The following FSCN2 variants were observed in gnomAD, a reference collection of about 807,000 sequenced individuals.
FSCN2 encodes the protein fascin actin-bundling protein 2, retinal, also known as fascin-2.
In FSCN2, 46 loss-of-function variants were observed where a neutral mutation model predicts 37.8. That is an observed-to-expected ratio of 1.22 (90% CI 0.96 to 1.56). The LOEUF (loss-of-function observed/expected upper bound fraction) is 1.56, where lower values mean the gene tolerates loss of function less well. FSCN2 is among the 40% of genes most tolerant of loss of function. FSCN2 has a pLI of 0.00. For missense variants in FSCN2, 844 were observed against 730.4 expected, an observed-to-expected ratio of 1.16 and a Z score of -1.79; for synonymous variants, 351 against 309.4, an observed-to-expected ratio of 1.13 and a Z score of -1.41.
intron 1 of FSCN2, among the ~76,000 whole-genome samples, chr17:81,532,718 G>A (rs1318840452): frequency 6.6e-6 from 1 of 151,610 alleles, no homozygotes; most frequent in East Asian, 1.9e-4. Context: ...TGATGGTGGT[G>A]GTGATAGTGA....
chr17:81,529,378 G>T, intron 1 of FSCN2, 21 bp downstream of exon 1: 2 of 1,512,014 alleles, frequency 1.3e-6, no homozygotes, highest in East Asian at 2.3e-5. Context: ...CACAGGTGGC[G>T]ACCTCCTGAG....
chr17:81,520,690 A>G, the FSCN2 span, among the ~76,000 whole-genome samples: 7 of 152,352 alleles, frequency 4.6e-5, no homozygotes, highest in African/African-American at 1.2e-4. Flanking sequence ...CTGATGAGAA[A>G]TGAATGTCAC....
At position 81,536,707 on chromosome 17, in the gene FSCN2, CG is replaced by C. The variant is rs752025582; in HGVS notation, c.1193del (p.Gly398AlafsTer17). 1.2e-6 allele frequency: 2 copies of C among 1,611,260 alleles called. No individual in the cohort carries two copies. The highest frequency in any genetic ancestry group is 2.7e-5 in the African/African-American group (2 of 74,902). On this transcript the variant is annotated frameshift_variant, in exon 4 of 5. Transcript: ENST00000417245. LOFTEE classifies it high-confidence loss of function. ...TGGACGGCTTCGTCTGCCACCACCG[CG>C]GCTCCAACCAGCTGGACACCAACCG... is the stretch of plus-strand genomic sequence containing the variant. ...GLDGFVCHHRGSNQLDTNRSV... is the reference protein window; with the variant it reads ...GLDGFVCHHRXSNQLDTNRSV...
upstream of FSCN2, among the ~76,000 whole-genome samples, chr17:81,528,220 G>A (rs534047219): frequency 7.2e-5 from 11 of 152,312 alleles, no homozygotes; most frequent in South Asian, 1.4e-3. Context: ...TCAGGCCCTC[G>A]GGCTCTGGGC....
chr17:81,535,667 CCCCACCA>C (rs1489426318), intron 2 of FSCN2, among the ~76,000 whole-genome samples: 2 of 6,200 alleles, frequency 3.2e-4, no homozygotes, highest in Non-Finnish European at 3.1e-4. Context: ...CCATCTCCAT[CCCCACCA>C]TCCCCATCTC....
intron 1 of FSCN2, among the ~76,000 whole-genome samples, chr17:81,534,271 C>T (rs1287575599): frequency 6.7e-6 from 1 of 148,790 alleles, no homozygotes; most frequent in Non-Finnish European, 1.5e-5. Flanking sequence ...CCCTCAGGCC[C>T]TGTGGGGGCT....
Position 81,536,759 on chromosome 17 carries a change from A to G in FSCN2, c.1243A>G (p.Ser415Gly). The change falls in exon 4 of 5, where the codon AGC (serine) becomes GGC (glycine). Residue 415 changes from serine (S) to glycine (G), a missense_variant. Ser to Gly is a moderately conservative substitution (Grantham distance 56, BLOSUM62 0). Coordinates refer to ENST00000417245, the MANE Select transcript of FSCN2 (RefSeq NM_012418.4). ...NRSVYDVFHL[S>G]FSDGAYRIRG... The stretch of plus-strand genomic sequence containing the variant: ...CTCCGTCTACGACGTCTTCCACCTG[A>G]GCTTCAGCGACGGCGCCTACCGGAT... 6 of 1,607,102 alleles carry G rather than the reference A, an allele frequency of 3.7e-6. No homozygotes were observed. The highest frequency in any genetic ancestry group is 1.3e-5 in the African/African-American group (1 of 74,778).
chr17:81,524,823 C>T (rs548018509), upstream of FSCN2, among the ~76,000 whole-genome samples: 2 of 151,802 alleles, frequency 1.3e-5, no homozygotes, highest in African/African-American at 4.8e-5. Flanking sequence ...GATGACAGTC[C>T]CAGGGTCCAG....
upstream of FSCN2, chr17:81,528,328 C>T: frequency 3.4e-6 from 2 of 585,840 alleles, no homozygotes; most frequent in East Asian, 2.8e-5. Flanking sequence ...CGCCCGCCCT[C>T]TGCTGCCCGC....
At chr17:81,531,911 GAT>G (rs2032652041) in intron 1 of FSCN2, among the ~76,000 whole-genome samples, 1 of 151,410 alleles carries the variant, frequency 6.6e-6, no homozygotes, top group African/African-American at 2.4e-5. Context: ...TAGTGATGGT[GAT>G]GATGGTGATG....
the FSCN2 span, among the ~76,000 whole-genome samples, chr17:81,519,398 G>A: frequency 6.6e-6 from 1 of 152,208 alleles, no homozygotes; most frequent in East Asian, 1.9e-4. Context: ...GCACTGTCTG[G>A]CAGCGGGGAC....
chr17:81,532,314 ATGATGGTGATGATAG>A (rs1368013728), intron 1 of FSCN2, among the ~76,000 whole-genome samples: 3 of 118,916 alleles, frequency 2.5e-5, no homozygotes, highest in South Asian at 2.9e-4. Context: ...AGTGATGGCG[ATGATGGTGATGATAG>A]TGATGGTGAT....
upstream of FSCN2, among the ~76,000 whole-genome samples, chr17:81,524,557 G>A (rs1456710881): frequency 3.9e-5 from 6 of 152,234 alleles, no homozygotes; most frequent in Non-Finnish European, 8.8e-5. Flanking sequence ...TGGCAGGCAC[G>A]TGTGTATCCC....
chr17:81,523,977 C>G (rs1400014268), upstream of FSCN2: 1 of 152,298 alleles, frequency 6.6e-6, no homozygotes, highest in Non-Finnish European at 1.5e-5. Flanking sequence ...AGGCTGGGCT[C>G]AAGCATCCAG....
In FSCN2 at chr17:81,536,708, G is replaced by A. The variant is rs935348386; in HGVS notation, c.1192G>A (p.Gly398Ser). The change falls in exon 4 of 5, where the codon GGC (glycine) becomes AGC (serine). Residue 398 changes from glycine to serine, a missense_variant. Coordinates refer to ENST00000417245, the MANE Select transcript of FSCN2 (RefSeq NM_012418.4). Reference sequence around the variant, plus strand: ...GGACGGCTTCGTCTGCCACCACCGCGGCTCCAACCAGCTGGACACCAACCG... The same window carrying A: ...GGACGGCTTCGTCTGCCACCACCGCAGCTCCAACCAGCTGGACACCAACCG... ...GLDGFVCHHR[G>S]SNQLDTNRSV... 2 of 1,611,434 alleles carry A rather than the reference G, an allele frequency of 1.2e-6. No homozygotes were observed. The highest frequency in any genetic ancestry group is 2.2e-5 in the East Asian group (1 of 44,882).
At chr17:81,524,538 A>G (rs2032290899), upstream of FSCN2, among the ~76,000 whole-genome samples, 1 of 152,212 alleles carries the variant, frequency 6.6e-6, no homozygotes, top group Non-Finnish European at 1.5e-5. Context: ...CAGCCTGCAC[A>G]GGTCAGGGTG....
the FSCN2 span, among the ~76,000 whole-genome samples, chr17:81,518,421 C>T: frequency 1.7e-5 from 2 of 119,820 alleles, no homozygotes; most frequent in African/African-American, 5.6e-5. Context: ...AGCAGCTGCT[C>T]GTGCAGGAAG....
At position 81,528,516 on chromosome 17, in the gene FSCN2, C is replaced by A; in HGVS notation, c.-16C>A. On this transcript the variant is annotated 5_prime_UTR_variant, in exon 1 of 5. Transcript: ENST00000417245. ...GGCGCATCCCAGGCCCCTCCGGGGACCCGGCCAGCCTGAAGATGCCGACGA... is the reference window on the plus strand; with the variant it reads ...GGCGCATCCCAGGCCCCTCCGGGGAACCGGCCAGCCTGAAGATGCCGACGA... The A allele has an allele frequency of 1.3e-6, 2 of 1,567,536 alleles. No individual in the cohort carries two copies. Among genetic ancestry groups the A allele is most frequent in the Non-Finnish European group, 1.7e-6 (2 of 1,154,850 alleles).
At chr17:81,531,441 GTGA>G (rs2032586630) in intron 1 of FSCN2, among the ~76,000 whole-genome samples, 3 of 77,194 alleles carry the variant, frequency 3.9e-5, no homozygotes, top group Non-Finnish European at 5.3e-5. Flanking sequence ...GGAGATGGTG[GTGA>G]TGGTGGTGGT....
Sources: gnomAD v4.1 joint callset for allele counts (sites outside exome capture counted in the v4.1 genomes callset) on GRCh38, gnomAD v4.1.1 for gene constraint, MANE v1.5 for transcripts, NCBI Gene and HGNC (gene_info 2026-07-23, HGNC 2026-07-21) for gene names.